Variants in ARHGAP21 observed in about 807,000 individuals in gnomAD.
ARHGAP21 encodes the protein Rho GTPase activating protein 21.
ARHGAP21 carries 38 observed loss-of-function variants against 164.6 expected under a neutral mutation model. The ratio of observed to expected loss-of-function variants is 0.23; its 90% CI spans 0.18 to 0.30. ARHGAP21 has a LOEUF of 0.30. Among genes scored for constraint, ARHGAP21 ranks in the 10% least tolerant of loss-of-function variants. The pLI, the probability that ARHGAP21 is intolerant of heterozygous loss-of-function variation, is 1.00. For synonymous variants in ARHGAP21, 766 were observed against 857.9 expected, an observed-to-expected ratio of 0.89 and a Z score of 1.87; for missense variants, 1,822 against 2,370.7, an observed-to-expected ratio of 0.77 and a Z score of 4.81.
At chr10:24,664,212 T>G (rs1839963274) in intron 4 of ARHGAP21, among the ~76,000 whole-genome samples, 1 of 152,144 alleles carries the variant, frequency 6.6e-6, no homozygotes, top group African/African-American at 2.4e-5. Context: ...TCTCATCTTT[T>G]CTATGGCCAC....
At chr10:24,712,216 A>C (rs1469898913) in intron 2 of ARHGAP21, among the ~76,000 whole-genome samples, 1 of 152,012 alleles carries the variant, frequency 6.6e-6, no homozygotes, top group African/African-American at 2.4e-5. Flanking sequence ...GCACCTGGCC[A>C]AGTTAAGGAT....
chr10:24,659,251 C>T (rs549830846), intron 4 of ARHGAP21, among the ~76,000 whole-genome samples: 2 of 152,342 alleles, frequency 1.3e-5, no homozygotes, highest in South Asian at 2.1e-4. Flanking sequence ...TTCACAGCAG[C>T]ACTATTGTCC....
intron 2 of ARHGAP21, among the ~76,000 whole-genome samples, chr10:24,709,304 G>T (rs1251064657): frequency 6.6e-6 from 1 of 152,028 alleles, no homozygotes; most frequent in Non-Finnish European, 1.5e-5. Flanking sequence ...AGGACTAGAT[G>T]GATTCACAGC....
At chr10:24,626,776 A>C (rs1194384242) in intron 7 of ARHGAP21, among the ~76,000 whole-genome samples, 1 of 152,204 alleles carries the variant, frequency 6.6e-6, no homozygotes, top group South Asian at 2.1e-4. Flanking sequence ...ATTTTGCAAT[A>C]AACACGAACC....
At chr10:24,615,609 C>G (rs1236869417) in intron 9 of ARHGAP21, among the ~76,000 whole-genome samples, 2 of 152,206 alleles carry the variant, frequency 1.3e-5, no homozygotes, top group Non-Finnish European at 2.9e-5. Flanking sequence ...GCAATCGGCT[C>G]TGTCAGTTCT....
chr10:24,657,187 A>AGCCG (rs1839117599), intron 4 of ARHGAP21, among the ~76,000 whole-genome samples: 2 of 5,802 alleles, frequency 3.4e-4, no homozygotes, highest in Non-Finnish European at 2.8e-4. Flanking sequence ...CTGCCCGGCC[A>AGCCG]CCCCTACTGG....
In ARHGAP21 at chr10:24,591,968, A is replaced by T; in HGVS notation, c.3921T>A (p.Val1307=). The T allele has an allele frequency of 1.2e-6, 2 of 1,613,654 alleles. No individual in the cohort carries two copies. Among genetic ancestry groups the T allele is most frequent in the Non-Finnish European group, 1.7e-6 (2 of 1,179,848 alleles). The change falls in exon 22 of 26, where the codon GTT becomes GTA. Residue 1307 remains valine (V), a synonymous_variant. Coordinates refer to ENST00000396432, the MANE Select transcript of ARHGAP21 (RefSeq NM_020824.4). The stretch of plus-strand genomic sequence containing the variant: ...GGGTCATGTTGTCTTCTGATGTTCG[A>T]ACAAGGGTGGGACCAAACACTATTG... ...NLAIVFGPTL[V]RTSEDNMTHM... is the part of the protein sequence containing the mutation.
intron 14 of ARHGAP21, among the ~76,000 whole-genome samples, chr10:24,600,373 C>T (rs1215254052): frequency 6.6e-6 from 1 of 152,068 alleles, no homozygotes; most frequent in Admixed American, 6.5e-5. Flanking sequence ...AACTTGGTCA[C>T]AAACAACCAG....
chr10:24,704,135 C>T (rs1418255533), intron 2 of ARHGAP21, among the ~76,000 whole-genome samples: 1 of 152,152 alleles, frequency 6.6e-6, no homozygotes, highest in African/African-American at 2.4e-5. Context: ...TAACCCCTGA[C>T]TGTGATCCAC....
intron 4 of ARHGAP21, among the ~76,000 whole-genome samples, chr10:24,651,321 G>C (rs77134587): frequency 0.011 from 1,721 of 152,270 alleles, 62 homozygotes; most frequent in East Asian, 0.079. Context: ...CTGCAGGCTG[G>C]GGCCCTTCCT....
chr10:24,658,268 G>A (rs891291210), intron 4 of ARHGAP21, among the ~76,000 whole-genome samples: 3 of 152,140 alleles, frequency 2.0e-5, no homozygotes, highest in Non-Finnish European at 4.4e-5. Context: ...ACAGTGTGGC[G>A]ATTCCTTAAG....
Position 24,649,705 on chromosome 10 carries a change from T to TAA in ARHGAP21, c.269-14604_269-14603dup, listed in dbSNP as rs202172570. Among the ~76,000 whole-genome samples, 225 of 137,194 alleles carry TAA rather than the reference T, an allele frequency of 1.6e-3. 5 individuals carry two copies. The East Asian group carries it at 0.04, about 25-fold the overall frequency. 90.0% of individuals were successfully genotyped at this position (137,194 alleles called of 152,430 possible). ...TGAAGGTCATAAAACACAAAGCAGT[T>TAA]AAAAAAAAAAAACCATGGAAAACAA... is the stretch of plus-strand genomic sequence containing the variant. On this transcript the variant is annotated intron_variant, in intron 4 of 25. Coordinates refer to ENST00000396432, the MANE Select transcript of ARHGAP21 (RefSeq NM_020824.4).
At chr10:24,628,820 TAC>T (rs997392986) in intron 7 of ARHGAP21, among the ~76,000 whole-genome samples, 2 of 142,708 alleles carry the variant, frequency 1.4e-5, no homozygotes, top group Non-Finnish European at 3.0e-5. Context: ...TATATACATA[TAC>T]ACACATATAT....
Position 24,647,423 on chromosome 10 carries a change from T to C in ARHGAP21, c.269-12320A>G, listed in dbSNP as rs998231534. Reference sequence around the variant, plus strand: ...CACATAGCAGCTATGGGAAACTGATTTCTAAATCAAAAGAGTGTCACTGGC... The same window carrying C: ...CACATAGCAGCTATGGGAAACTGATCTCTAAATCAAAAGAGTGTCACTGGC... On this transcript the variant is annotated intron_variant, in intron 4 of 25. Coordinates refer to ENST00000396432, the MANE Select transcript of ARHGAP21 (RefSeq NM_020824.4). Among the ~76,000 whole-genome samples, 5 of 152,352 alleles carry C rather than the reference T, an allele frequency of 3.3e-5. No homozygotes were observed. The South Asian group carries it at 1.0e-3, about 32-fold the overall frequency.
intron 12 of ARHGAP21, 68 bp from the exon 13 acceptor site, chr10:24,602,171 C>T: frequency 1.3e-6 from 2 of 1,521,050 alleles, no homozygotes; most frequent in Middle Eastern, 1.8e-4. Flanking sequence ...CACATGGAAA[C>T]TGCTTTGTGG....
At chr10:24,611,993 A>G (rs2077282281) in intron 9 of ARHGAP21, among the ~76,000 whole-genome samples, 1 of 152,192 alleles carries the variant, frequency 6.6e-6, no homozygotes, top group Non-Finnish European at 1.5e-5. Flanking sequence ...AGGTTAGGGC[A>G]CAGAGCAAAA....
At chr10:24,624,113 C>A (rs991025750) in intron 7 of ARHGAP21, among the ~76,000 whole-genome samples, 6 of 152,058 alleles carry the variant, frequency 3.9e-5, no homozygotes, top group Non-Finnish European at 1.5e-5. Context: ...GCCCTGAAAT[C>A]CATACAAATG....
intron 4 of ARHGAP21, among the ~76,000 whole-genome samples, chr10:24,639,863 A>G (rs1286987465): frequency 6.6e-6 from 1 of 152,036 alleles, no homozygotes; most frequent in Non-Finnish European, 1.5e-5. Flanking sequence ...CATTTGCAAC[A>G]TCTAAATTAT....
chr10:24,622,606 A>G, intron 8 of ARHGAP21, 127 bp downstream of exon 8: 2 of 981,152 alleles, frequency 2.0e-6, no homozygotes, highest in South Asian at 3.8e-5. Context: ...TCTGCAAATT[A>G]GTAAGATTAA....
Sources: allele counts gnomAD v4.1 joint callset (sites outside exome capture counted in the v4.1 genomes callset), GRCh38; gene constraint gnomAD v4.1.1; transcripts MANE v1.5; gene names NCBI Gene and HGNC (gene_info 2026-07-23, HGNC 2026-07-21).